Variants in ARHGEF10L observed in about 807,000 individuals in gnomAD.
ARHGEF10L encodes Rho guanine nucleotide exchange factor 10 like.
In ARHGEF10L, 69 loss-of-function variants were observed where a neutral mutation model predicts 141.2. The ratio of observed to expected loss-of-function variants is 0.49; its 90% confidence interval spans 0.40 to 0.60. The LOEUF (loss-of-function observed/expected upper bound fraction) is 0.60, where lower values mean the gene tolerates loss of function less well. Ranked by LOEUF, ARHGEF10L falls within the 20% of genes least tolerant of loss-of-function variation. The pLI, the probability that ARHGEF10L is intolerant of heterozygous loss-of-function variation, is 0.00. For missense variants in ARHGEF10L, 1,482 were observed against 1,734.3 expected (o/e 0.85, Z 2.58); for synonymous variants, 711 against 718.5 (o/e 0.99, Z 0.17).
chr1:17,650,681 C>T (rs540794850), intron 22 of ARHGEF10L, among the ~76,000 whole-genome samples: 252 of 148,250 alleles, frequency 1.7e-3, no homozygotes, highest in African/African-American at 6.0e-3. Flanking sequence ...TGCAGTGAGC[C>T]GAAATCATGC....
intron 26 of ARHGEF10L, among the ~76,000 whole-genome samples, chr1:17,670,309 A>G (rs1355693330): frequency 6.6e-6 from 1 of 152,198 alleles, no homozygotes; most frequent in East Asian, 1.9e-4. Context: ...CTTGCCCACC[A>G]ACTGCTTGTT....
Position 17,603,375 on chromosome 1 carries a change from A to AGGGCT in ARHGEF10L, c.350-122_350-118dup. On this transcript the variant is annotated intron_variant, in intron 5 of 28. Transcript: ENST00000361221. This position sits in a 1 kb window ranked among gnomAD's most constrained non-coding sequence, Gnocchi z 4.8. ...CCCCTGAGGGCAGCTGGCGGAGCTA[A>AGGGCT]GGGCTGGGCTGGGCTATCAGAAAGG... is the stretch of plus-strand genomic sequence containing the variant. 1.7e-6 allele frequency: 1 copy of AGGGCT among 600,742 alleles called. No homozygotes were observed. The highest frequency in any genetic ancestry group is 2.8e-6 in the Non-Finnish European group (1 of 360,838). 37.2% of individuals were successfully genotyped at this position (600,742 alleles called of 1,614,324 possible). A position where few individuals can be genotyped will look rare whatever the true frequency, so the allele number is the denominator to read the frequency against.
Position 17,544,002 on chromosome 1 carries a change from AGTGGC to A in ARHGEF10L, c.-44+4056_-44+4060del, listed in dbSNP as rs553470121. Among the ~76,000 whole-genome samples the A allele has an allele frequency of 7.1e-3, 1,071 of 151,680 alleles. 4 individuals carry two copies. The highest frequency in any genetic ancestry group is 0.011 in the Non-Finnish European group (769 of 67,978). ...ACTCTTGTTGCTCAGGCTGGAATGC[AGTGGC>A]GTGATCTCTGCTCACTGCAACCTCC... is the stretch of plus-strand genomic sequence containing the variant. On this transcript the variant is annotated intron_variant, in intron 1 of 28. Coordinates refer to ENST00000361221, the MANE Select transcript of ARHGEF10L (RefSeq NM_018125.4).
chr1:17,670,143 A>G (rs1199827877), intron 26 of ARHGEF10L, among the ~76,000 whole-genome samples: 2 of 152,246 alleles, frequency 1.3e-5, no homozygotes, highest in African/African-American at 4.8e-5. Context: ...GAAGGCCTCC[A>G]AGGGTGGGGC....
intron 26 of ARHGEF10L, among the ~76,000 whole-genome samples, chr1:17,674,890 AGG>A (rs1269314994): frequency 6.6e-6 from 1 of 152,186 alleles, no homozygotes; most frequent in Non-Finnish European, 1.5e-5. Flanking sequence ...AGCATGACTT[AGG>A]TGTGCAGTCA....
rs762151020 is a variant in ARHGEF10L, at chr1:17,638,572, T to G, written c.2054T>G (p.Met685Arg). The G allele has an allele frequency of 5.6e-6, 9 of 1,614,022 alleles. No homozygotes were observed. Among genetic ancestry groups the G allele is most frequent in the Non-Finnish European group, 6.8e-6 (8 of 1,180,012 alleles). Reference sequence around the variant, plus strand: ...CCTCCTGAACCCTAGAACCTGAACATGACTGTGGCTCAAGACTGGTGCCTG... The same window carrying G: ...CCTCCTGAACCCTAGAACCTGAACAGGACTGTGGCTCAAGACTGGTGCCTG... ...TLHGTYQNLN[M>R]TVAQDWCLAL... is the part of the protein sequence containing the mutation. The change falls in exon 20 of 29, where the codon ATG (methionine) becomes AGG (arginine). Residue 685 changes from methionine to arginine, a missense_variant. This residue lies in a region of ARHGEF10L where 858 missense variants were observed against 966.3 expected (regional missense o/e 0.89). Coordinates refer to ENST00000361221, the MANE Select transcript of ARHGEF10L (RefSeq NM_018125.4).
intron 1 of ARHGEF10L, among the ~76,000 whole-genome samples, chr1:17,567,815 G>C (rs1358455120): frequency 2.0e-5 from 3 of 151,936 alleles, no homozygotes; most frequent in Admixed American, 6.6e-5. Context: ...CAGGGAATTG[G>C]AATGTCTCTT....
chr1:17,674,473 G>A (rs557542820), intron 26 of ARHGEF10L, among the ~76,000 whole-genome samples: 10 of 152,340 alleles, frequency 6.6e-5, no homozygotes, highest in South Asian at 2.1e-4. Flanking sequence ...CCGCATACAC[G>A]TGCCCAGCTG....
In ARHGEF10L at chr1:17,664,506, G is replaced by A. The variant is rs1415914553; in HGVS notation, c.2920G>A (p.Val974Ile). 1 of 1,608,198 alleles carries A rather than the reference G, an allele frequency of 6.2e-7. No homozygotes were observed. Among genetic ancestry groups the A allele is most frequent in the Non-Finnish European group, 8.5e-7 (1 of 1,179,702 alleles). The change falls in exon 26 of 29, where the codon GTC becomes ATC. Residue 974 changes from valine (V) to isoleucine (I), a missense_variant. Physicochemically the swap from Val to Ile is conservative, Grantham distance 29. Coordinates refer to ENST00000361221, the MANE Select transcript of ARHGEF10L (RefSeq NM_018125.4). Reference protein sequence around the residue: ...PVCLTVGPGPVRTLLSLEDAV... With the variant: ...PVCLTVGPGPIRTLLSLEDAV... ...GTGCCTGACTGTGGGGCCCGGGCCT[G>A]TCCGCACCCTGTTGAGCCTGGAGGA...
intron 25 of ARHGEF10L, among the ~76,000 whole-genome samples, chr1:17,659,569 C>T (rs1387607986): frequency 6.6e-6 from 1 of 152,224 alleles, no homozygotes; most frequent in Non-Finnish European, 1.5e-5. Flanking sequence ...TGGAACTGCA[C>T]CCGCATCAAC....
Position 17,618,168 on chromosome 1 carries a change from A to G in ARHGEF10L, c.836-1171A>G, listed in dbSNP as rs2101305896. The G allele has an allele frequency of 1.4e-5, 9 of 643,932 alleles. No homozygotes were observed. The South Asian group carries it at 1.9e-4, about 14-fold the overall frequency. The allele number at this position is 643,932 out of a possible 1,614,324, so 39.9% of individuals were successfully genotyped here. ...TTCTAAACTCATTGAGATGGTCCGA[A>G]GACAGGATAACGTGGCCAGGCCAGC... On this transcript the variant is annotated intron_variant, in intron 9 of 28. Transcript: ENST00000361221.
chr1:17,570,562 G>T (rs1483138322), intron 1 of ARHGEF10L, among the ~76,000 whole-genome samples: 1 of 152,082 alleles, frequency 6.6e-6, no homozygotes, highest in Non-Finnish European at 1.5e-5. Context: ...GCTCTGACAC[G>T]TGGGGCCTCA....
At chr1:17,565,725 G>T (rs994227052) in intron 1 of ARHGEF10L, among the ~76,000 whole-genome samples, 4 of 152,300 alleles carry the variant, frequency 2.6e-5, no homozygotes, top group African/African-American at 9.6e-5. Context: ...GCAGCTCCTG[G>T]CCTCGGAGAG....
the ARHGEF10L span, among the ~76,000 whole-genome samples, chr1:17,527,230 C>T: frequency 6.6e-6 from 1 of 152,214 alleles, no homozygotes; most frequent in African/African-American, 2.4e-5. Flanking sequence ...CAACCTGCTT[C>T]ACATTGATCT....
At chr1:17,679,774 A>G (rs1235619632) in intron 26 of ARHGEF10L, among the ~76,000 whole-genome samples, 5 of 152,080 alleles carry the variant, frequency 3.3e-5, no homozygotes, top group African/African-American at 9.7e-5. Context: ...TGCACAGGTC[A>G]TTTCTTGTGC....
At position 17,558,163 on chromosome 1, in the gene ARHGEF10L, A is replaced by C. The variant is rs1263324251; in HGVS notation, c.-44+18213A>C. On this transcript the variant is annotated intron_variant, in intron 1 of 28. Transcript: ENST00000361221. This position sits in a 1 kb window ranked among gnomAD's most constrained non-coding sequence, Gnocchi z 4.2. Reference sequence around the variant, plus strand: ...CATTCATCCATTTATCCATCCATCCATCTATGCATCCATCCATCCATCCAC... The same window carrying C: ...CATTCATCCATTTATCCATCCATCCCTCTATGCATCCATCCATCCATCCAC... Among the ~76,000 whole-genome samples, 1 of 151,612 alleles carries C rather than the reference A, an allele frequency of 6.6e-6. No homozygotes were observed. The highest frequency in any genetic ancestry group is 1.5e-5 in the Non-Finnish European group (1 of 67,904).
intron 7 of ARHGEF10L, among the ~76,000 whole-genome samples, chr1:17,608,691 G>A (rs760580305): frequency 4.6e-5 from 7 of 152,122 alleles, no homozygotes; most frequent in African/African-American, 7.2e-5. Flanking sequence ...GTGTCTGTCC[G>A]TGCTGAGATT....
At chr1:17,635,466 C>A in intron 18 of ARHGEF10L, among the ~76,000 whole-genome samples, 1 of 152,200 alleles carries the variant, frequency 6.6e-6, no homozygotes, top group East Asian at 1.9e-4. Context: ...CCTCCCTCTG[C>A]CCCTTCTCTC....
chr1:17,617,773 G>A (rs893926784), intron 9 of ARHGEF10L, among the ~76,000 whole-genome samples: 5 of 152,080 alleles, frequency 3.3e-5, no homozygotes, highest in African/African-American at 1.2e-4. Context: ...GTAGGGCTGT[G>A]GTGAGGATGT....
Sources: gnomAD v4.1 joint callset for allele counts (sites outside exome capture counted in the v4.1 genomes callset) on GRCh38, gnomAD v4.1.1 for gene constraint, gnomAD v4.1.1 regional missense constraint, Gnocchi (gnomAD v3.1) non-coding constraint, MANE v1.5 for transcripts, NCBI Gene and HGNC (gene_info 2026-07-23, HGNC 2026-07-21) for gene names.